The following PLAC1 variants were observed in gnomAD, a reference collection of about 807,000 sequenced individuals.
The protein encoded by PLAC1 is placenta-specific protein 1.
For synonymous variants in PLAC1, 68 were observed against 62.1 expected, an observed-to-expected ratio of 1.09 and a Z score of -0.44; for missense variants, 136 against 163.2, an observed-to-expected ratio of 0.83 and a Z score of 0.91.
chrX:134,737,160 C>T (rs970756448), intron 1 of PLAC1, among the ~76,000 whole-genome samples: 4 of 112,565 alleles, frequency 3.6e-5, no homozygotes, highest in East Asian at 5.6e-4. Context: ...GGCATGGAGG[C>T]GCTGCCCCAT....
intron 2 of PLAC1, among the ~76,000 whole-genome samples, chrX:134,704,552 AAAAC>A (rs1410134569): frequency 3.2e-4 from 34 of 106,744 alleles, no homozygotes; most frequent in African/African-American, 1.0e-3. Flanking sequence ...ATAGAAATAT[AAAAC>A]AAAATGAAAA....
At chrX:134,665,183 G>C (rs904449672) in intron 2 of PLAC1, among the ~76,000 whole-genome samples, 4 of 110,713 alleles carry the variant, frequency 3.6e-5, no homozygotes, top group Non-Finnish European at 5.7e-5. Flanking sequence ...GATCAAGATA[G>C]AGAACATTTC....
intron 2 of PLAC1, among the ~76,000 whole-genome samples, chrX:134,678,182 C>G (rs1243661723): frequency 9.0e-6 from 1 of 111,178 alleles, no homozygotes; most frequent in African/African-American, 3.3e-5. Flanking sequence ...TCTGTAGACT[C>G]GGTCTAATGG....
chrX:134,654,871 G>T (rs1203815612), intron 1 of PLAC1, among the ~76,000 whole-genome samples: 1 of 112,347 alleles, frequency 8.9e-6, no homozygotes, highest in Admixed American at 9.4e-5. Context: ...TATTCTGGAT[G>T]CACTTGGTCA....
chrX:134,606,975 A>G (rs2078125583), intron 1 of PLAC1, among the ~76,000 whole-genome samples: 2 of 112,437 alleles, frequency 1.8e-5, no homozygotes, highest in Non-Finnish European at 3.8e-5. Context: ...AAACTCCACC[A>G]TGGTACAATA....
chrX:134,711,936 G>A (rs1469677760), intron 2 of PLAC1, among the ~76,000 whole-genome samples: 1 of 112,075 alleles, frequency 8.9e-6, no homozygotes, highest in African/African-American at 3.2e-5. Context: ...ATTCTTGAAT[G>A]TGCTTCTTAT....
chrX:134,734,854 C>T (rs909236185), intron 1 of PLAC1, among the ~76,000 whole-genome samples: 7 of 110,620 alleles, frequency 6.3e-5, no homozygotes, highest in Non-Finnish European at 1.1e-4. Flanking sequence ...AGAATAATGC[C>T]TCCCTCCCCA....
At chrX:134,673,716 G>A (rs1279289216) in intron 2 of PLAC1, among the ~76,000 whole-genome samples, 3 of 111,533 alleles carry the variant, frequency 2.7e-5, no homozygotes, top group Non-Finnish European at 5.7e-5. Flanking sequence ...GGATGGTTAG[G>A]CTGACACTGT....
intron 1 of PLAC1, among the ~76,000 whole-genome samples, chrX:134,739,052 A>G (rs986810544): frequency 8.9e-6 from 1 of 112,397 alleles, no homozygotes; most frequent in African/African-American, 3.2e-5. Flanking sequence ...ATCCTGAAGT[A>G]TAACTCCTTA....
At chrX:134,704,417 C>T (rs1162539974) in intron 2 of PLAC1, among the ~76,000 whole-genome samples, 12 of 102,882 alleles carry the variant, frequency 1.2e-4, no homozygotes, top group East Asian at 9.2e-4. Context: ...CACTTGAACC[C>T]GGGAGGCAGA....
intron 2 of PLAC1, among the ~76,000 whole-genome samples, chrX:134,581,681 G>A (rs926710652): frequency 5.5e-5 from 6 of 109,771 alleles, no homozygotes; most frequent in African/African-American, 2.0e-4. Flanking sequence ...GTTTCACCAT[G>A]TTGGCCAGGC....
intron 2 of PLAC1, among the ~76,000 whole-genome samples, chrX:134,698,296 A>G (rs1569406915): frequency 9.1e-6 from 1 of 110,486 alleles, no homozygotes; most frequent in Non-Finnish European, 1.9e-5. Flanking sequence ...TACTAAAAAT[A>G]CCAAAAATTA....
chrX:134,755,103 G>A (rs1367472547), intron 1 of PLAC1, among the ~76,000 whole-genome samples: 2 of 111,677 alleles, frequency 1.8e-5, no homozygotes, highest in Non-Finnish European at 1.9e-5. Flanking sequence ...AGGCCATGCT[G>A]AAGGTTTTAC....
chrX:134,678,643 G>A (rs112856300), intron 2 of PLAC1, among the ~76,000 whole-genome samples: 1,450 of 111,139 alleles, frequency 0.013, 26 homozygotes, highest in African/African-American at 0.044. Flanking sequence ...TAATTTCCAC[G>A]AGATCAAGGA....
intron 1 of PLAC1, among the ~76,000 whole-genome samples, chrX:134,655,332 T>TACACACACACACAC (rs545237127): frequency 1.3e-4 from 13 of 99,132 alleles, no homozygotes; most frequent in African/African-American, 4.6e-4. Flanking sequence ...TCAATCTATT[T>TACACACACACACAC]ACACACACAC....
intron 1 of PLAC1, among the ~76,000 whole-genome samples, chrX:134,645,184 G>A (rs577232667): frequency 3.5e-4 from 39 of 110,031 alleles, no homozygotes; most frequent in Middle Eastern, 9.3e-3. Context: ...TTAATTCAGC[G>A]CCTCGTATTG....
At chrX:134,652,253 C>T (rs149702713) in intron 1 of PLAC1, among the ~76,000 whole-genome samples, 67 of 112,238 alleles carry the variant, frequency 6.0e-4, no homozygotes, top group African/African-American at 2.1e-3. Flanking sequence ...TGGCAAGTCA[C>T]GTGGCTCAAA....
At chrX:134,638,062 C>G (rs1273432741) in intron 1 of PLAC1, among the ~76,000 whole-genome samples, 1 of 111,843 alleles carries the variant, frequency 8.9e-6, no homozygotes. Context: ...GTTTAAATGT[C>G]CTTTTTTGGT....
At chrX:134,575,274 C>A (rs898185484) in intron 2 of PLAC1, among the ~76,000 whole-genome samples, 1 of 111,314 alleles carries the variant, frequency 9.0e-6, no homozygotes, top group Non-Finnish European at 1.9e-5. Context: ...CTTCTCTGAT[C>A]TGGACTTTCT....
Sources: gnomAD v4.1 joint callset for allele counts (sites outside exome capture counted in the v4.1 genomes callset) on GRCh38, gnomAD v4.1.1 for gene constraint, MANE v1.5 for transcripts, NCBI Gene and HGNC (gene_info 2026-07-23, HGNC 2026-07-21) for gene names.